PPFIA2: variants seen among roughly 807,000 people sequenced by gnomAD.
PPFIA2 encodes the protein PPFI scaffold protein A2, also known as liprin-alpha-2.
Under a neutral mutation model 175.5 loss-of-function variants are expected in PPFIA2, and 46 were observed. The ratio of observed to expected loss-of-function variants is 0.26; its 90% CI spans 0.21 to 0.34. The LOEUF (loss-of-function observed/expected upper bound fraction) is 0.34. Among genes scored for constraint, PPFIA2 ranks in the 10% least tolerant of loss-of-function variants. The pLI, the probability that PPFIA2 is intolerant of heterozygous loss-of-function variation, is 1.00. For synonymous variants in PPFIA2, 568 were observed against 511.4 expected (o/e 1.11, Z -1.49); for missense variants, 1,179 against 1,506.1 (o/e 0.78, Z 3.60).
chr12:81,375,320 A>G (rs1206870161), intron 10 of PPFIA2, among the ~76,000 whole-genome samples: 1 of 152,158 alleles, frequency 6.6e-6, no homozygotes, highest in African/African-American at 2.4e-5. Context: ...CTTTATTAAC[A>G]AGAGCAGGCA....
intron 4 of PPFIA2, among the ~76,000 whole-genome samples, chr12:81,672,828 A>T (rs2071693692): frequency 6.6e-6 from 1 of 151,986 alleles, no homozygotes; most frequent in African/African-American, 2.4e-5. Flanking sequence ...AAACATCTTC[A>T]CATTTGACCA....
chr12:81,530,435 T>C (rs2064348148), intron 4 of PPFIA2, among the ~76,000 whole-genome samples: 1 of 151,982 alleles, frequency 6.6e-6, no homozygotes, highest in African/African-American at 2.4e-5. Context: ...AAATGCAAGA[T>C]CCAATCTAAT....
At chr12:81,518,738 C>T (rs963209754) in intron 4 of PPFIA2, among the ~76,000 whole-genome samples, 1 of 152,114 alleles carries the variant, frequency 6.6e-6, no homozygotes, top group South Asian at 2.1e-4. Flanking sequence ...TCTTTTCCTA[C>T]TTGGCCATAA....
chr12:81,302,224 AT>A (rs936955113), intron 22 of PPFIA2: 4 of 404,666 alleles, frequency 9.9e-6, no homozygotes, highest in Non-Finnish European at 2.0e-5. Context: ...TAAAGAACAA[AT>A]TTTTTTCTTG....
intron 7 of PPFIA2, among the ~76,000 whole-genome samples, chr12:81,415,801 C>T (rs543060030): frequency 6.6e-6 from 1 of 150,806 alleles, no homozygotes; most frequent in Non-Finnish European, 1.5e-5. Flanking sequence ...TAATATTCAA[C>T]AATAGTAATT....
At chr12:81,411,871 A>C (rs1419663973) in intron 7 of PPFIA2, among the ~76,000 whole-genome samples, 1 of 152,004 alleles carries the variant, frequency 6.6e-6, no homozygotes, top group Admixed American at 6.6e-5. Flanking sequence ...AAATCAAACC[A>C]AGTGAGGAAT....
chr12:81,322,773 T>C (rs1397265008), intron 22 of PPFIA2, among the ~76,000 whole-genome samples: 1 of 152,114 alleles, frequency 6.6e-6, no homozygotes, highest in East Asian at 1.9e-4. Context: ...GTTTAATAAT[T>C]ATCAGGAAGG....
At chr12:81,281,507 G>T in intron 26 of PPFIA2, 57 bp from the exon 27 acceptor site, 1 of 1,171,702 alleles carries the variant, frequency 8.5e-7, no homozygotes, top group Non-Finnish European at 1.2e-6. Flanking sequence ...ATGGTAATTG[G>T]ATAATATTAC....
chr12:81,577,200 C>A (rs1230527448), intron 4 of PPFIA2, among the ~76,000 whole-genome samples: 1 of 151,730 alleles, frequency 6.6e-6, no homozygotes, highest in Non-Finnish European at 1.5e-5. Context: ...AAATAATGAG[C>A]TTAGTAAAAT....
At chr12:81,441,310 A>G (rs2050135091) in intron 6 of PPFIA2, among the ~76,000 whole-genome samples, 1 of 152,046 alleles carries the variant, frequency 6.6e-6, no homozygotes, top group Admixed American at 6.6e-5. Flanking sequence ...GTATATTCAG[A>G]TGAATGGATG....
In PPFIA2 at chr12:81,466,644, C is replaced by A. The variant is rs541246314; in HGVS notation, c.304-8778G>T. Among the ~76,000 whole-genome samples the A allele has an allele frequency of 1.2e-3, 178 of 152,004 alleles. 3 individuals are homozygous for A. The highest frequency in any genetic ancestry group is 1.9e-3 in the Non-Finnish European group (129 of 68,004). ...TTAGGCTTTCTTTGACAATAGCTTG[C>A]TAGAGATGAGTCAGCTTGTTTTTAA... On this transcript the variant is annotated intron_variant, in intron 4 of 32. Transcript: ENST00000549396.
chr12:81,605,298 C>G (rs973746597), intron 4 of PPFIA2, among the ~76,000 whole-genome samples: 1 of 151,216 alleles, frequency 6.6e-6, no homozygotes, highest in Non-Finnish European at 1.5e-5. Flanking sequence ...GATAAATGGT[C>G]AGGGGAAAAT....
intron 4 of PPFIA2, among the ~76,000 whole-genome samples, chr12:81,467,109 T>C (rs2055805046): frequency 1.3e-5 from 2 of 151,830 alleles, no homozygotes; most frequent in South Asian, 4.1e-4. Flanking sequence ...TCTTCAAGCA[T>C]AATAATAAAA....
chr12:81,373,129 T>C (rs1237152522), intron 11 of PPFIA2, among the ~76,000 whole-genome samples: 4 of 151,880 alleles, frequency 2.6e-5, no homozygotes, highest in Non-Finnish European at 5.9e-5. Context: ...TGTGGGGCAG[T>C]GATTTTCTGA....
At chr12:81,602,591 C>T (rs1457570691) in intron 4 of PPFIA2, among the ~76,000 whole-genome samples, 1 of 151,724 alleles carries the variant, frequency 6.6e-6, no homozygotes, top group Non-Finnish European at 1.5e-5. Flanking sequence ...AGCTAACAAC[C>T]AGAAAACATC....
intron 3 of PPFIA2, among the ~76,000 whole-genome samples, chr12:81,753,267 A>G (rs1207590046): frequency 6.6e-6 from 1 of 152,120 alleles, no homozygotes; most frequent in Non-Finnish European, 1.5e-5. Flanking sequence ...ATTGACTTTC[A>G]TCATTAACTT....
At chr12:81,484,362 G>A (rs1175690958) in intron 4 of PPFIA2, among the ~76,000 whole-genome samples, 1 of 151,974 alleles carries the variant, frequency 6.6e-6, no homozygotes, top group African/African-American at 2.4e-5. Flanking sequence ...TATATACAAT[G>A]AGACAGAGGC....
intron 4 of PPFIA2, chr12:81,512,247 A>G (rs2061882326): frequency 8.4e-7 from 1 of 1,193,964 alleles, no homozygotes; most frequent in Non-Finnish European, 1.1e-6. Flanking sequence ...TGCCTTCATT[A>G]CAAAATCTAA....
At chr12:81,515,887 A>G (rs1228855126) in intron 4 of PPFIA2, among the ~76,000 whole-genome samples, 2 of 151,964 alleles carry the variant, frequency 1.3e-5, no homozygotes, top group Non-Finnish European at 2.9e-5. Flanking sequence ...ACATTTGATC[A>G]TCTCTTACCA....
Sources: allele counts gnomAD v4.1 joint callset (sites outside exome capture counted in the v4.1 genomes callset), GRCh38; gene constraint gnomAD v4.1.1; transcripts MANE v1.5; gene names NCBI Gene and HGNC (gene_info 2026-07-23, HGNC 2026-07-21).